Variants in CDC7 observed in about 807,000 individuals in gnomAD.
CDC7 encodes cell division cycle 7-related protein kinase.
Under a neutral mutation model 53.5 loss-of-function variants are expected in CDC7, and 34 were observed. The observed-to-expected ratio is 0.64, with a 90% confidence interval of 0.48 to 0.85. The LOEUF (loss-of-function observed/expected upper bound fraction) is 0.85, where lower values mean the gene tolerates loss of function less well. CDC7 is among the 40% of genes least tolerant of loss of function. The pLI is 0.00. For missense variants in CDC7, 594 were observed against 679.7 expected (o/e 0.87, Z 1.40); for synonymous variants, 211 against 222.8 (o/e 0.95, Z 0.47).
rs1237535911 is a variant in CDC7 at position 91,523,530 on chromosome 1, A to G, written c.1331-511A>G. 2.0e-5 allele frequency among the ~76,000 whole-genome samples: 3 copies of G among 152,182 alleles called. 1 individual carries two copies. The East Asian group carries it at 5.8e-4, about 29-fold the overall frequency. On this transcript the variant is annotated intron_variant, in intron 11 of 11. Coordinates refer to ENST00000234626, the MANE Select transcript of CDC7 (RefSeq NM_003503.4). The stretch of plus-strand genomic sequence containing the variant: ...AGTAATAGTAGAACTCTCAAGATAC[A>G]GTAGAAACTGAAATTGATCAGTTCT...
At chr1:91,502,444 T>C (rs1666741032) in intron 2 of CDC7, among the ~76,000 whole-genome samples, 2 of 151,992 alleles carry the variant, frequency 1.3e-5, no homozygotes, top group African/African-American at 2.4e-5. Flanking sequence ...TCTAGTTGAC[T>C]GTATTTTTTT....
At chr1:91,512,202 A>G (rs982318557) in intron 6 of CDC7, among the ~76,000 whole-genome samples, 4 of 152,072 alleles carry the variant, frequency 2.6e-5, no homozygotes, top group African/African-American at 9.7e-5. Context: ...CATATCTGCT[A>G]CTTTGTATCC....
At chr1:91,507,296 T>C (rs1667043629) in intron 2 of CDC7, among the ~76,000 whole-genome samples, 1 of 152,242 alleles carries the variant, frequency 6.6e-6, no homozygotes, top group African/African-American at 2.4e-5. Flanking sequence ...CTGATACTTA[T>C]TTAAAAGTAG....
At chr1:91,515,670 A>G in intron 9 of CDC7, 124 bp from the exon 10 acceptor site, 2 of 1,088,368 alleles carry the variant, frequency 1.8e-6, no homozygotes, top group Non-Finnish European at 2.6e-6. Flanking sequence ...CATTTACTTT[A>G]TAGTAACACT....
chr1:91,502,246 A>G (rs1283913583), intron 2 of CDC7, among the ~76,000 whole-genome samples: 1 of 152,206 alleles, frequency 6.6e-6, no homozygotes, highest in Non-Finnish European at 1.5e-5. Context: ...AGCAATAATA[A>G]AGCACCATAT....
chr1:91,506,252 G>A (rs1228964809), intron 2 of CDC7, among the ~76,000 whole-genome samples: 1 of 151,948 alleles, frequency 6.6e-6, no homozygotes, highest in East Asian at 1.9e-4. Flanking sequence ...TTCTTGCCTT[G>A]GTCTCCTAAA....
intron 11 of CDC7, 137 bp from the exon 12 acceptor site, chr1:91,523,894 CTGTGTGTGTG>C (rs56282166): frequency 1.4e-3 from 788 of 547,262 alleles, no homozygotes; most frequent in Middle Eastern, 5.4e-3. Context: ...CTATCTCATA[CTGTGTGTGTG>C]TGTGTGTGTG....
intron 10 of CDC7, 68 bp downstream of exon 10, chr1:91,515,944 C>G: frequency 7.8e-7 from 1 of 1,284,950 alleles, no homozygotes; most frequent in Non-Finnish European, 1.1e-6. Context: ...ATTTTATGAT[C>G]TTTGTCTATT....
chr1:91,508,312 G>A lies in CDC7; in HGVS notation c.250G>A (p.Glu84Lys). ...CACAGCACAGTTACAAGTAGGACCTGAAGAGAAAATTGCTCTAAAACACTT... is the reference window on the plus strand; with the variant it reads ...CACAGCACAGTTACAAGTAGGACCTAAAGAGAAAATTGCTCTAAAACACTT... The part of the protein sequence containing the change: ...LATAQLQVGP[E>K]EKIALKHLIP... The change falls in exon 4 of 12, where the codon GAA (glutamate) becomes AAA (lysine). Residue 84 changes from glutamate (E) to lysine (K), a missense_variant. Transcript: ENST00000234626. 1 of 1,612,428 alleles carries A rather than the reference G, an allele frequency of 6.2e-7. No homozygotes were observed. Among genetic ancestry groups the A allele is most frequent in the Non-Finnish European group, 8.5e-7 (1 of 1,178,932 alleles).
intron 10 of CDC7, among the ~76,000 whole-genome samples, chr1:91,519,717 A>G (rs963956253): frequency 2.0e-5 from 3 of 152,230 alleles, no homozygotes; most frequent in African/African-American, 7.2e-5. Context: ...TTTCACTAAA[A>G]TGAAAGCACT....
At chr1:91,510,101 G>T (rs1019529165) in intron 4 of CDC7, among the ~76,000 whole-genome samples, 1 of 152,070 alleles carries the variant, frequency 6.6e-6, no homozygotes, top group Non-Finnish European at 1.5e-5. Flanking sequence ...TGTAGTCCCA[G>T]CTACTTGGGA....
chr1:91,518,272 T>C (rs1446580462), intron 10 of CDC7, among the ~76,000 whole-genome samples: 1 of 151,582 alleles, frequency 6.6e-6, no homozygotes, highest in Non-Finnish European at 1.5e-5. Context: ...TTCAGAAGAT[T>C]AAAGTTTCTA....
chr1:91,501,864 A>G (rs1473090736), intron 2 of CDC7, 33 bp downstream of exon 2: 6 of 1,483,590 alleles, frequency 4.0e-6, no homozygotes, highest in East Asian at 2.3e-5. Flanking sequence ...GTACAGTTAT[A>G]AAGATTTTTC....
chr1:91,513,248 T>G lies in CDC7; in HGVS notation c.763T>G (p.Ser255Ala). 6 of 1,613,380 alleles carry G rather than the reference T, an allele frequency of 3.7e-6. No homozygotes were observed. Among genetic ancestry groups the G allele is most frequent in the Non-Finnish European group, 5.1e-6 (6 of 1,179,504 alleles). The change falls in exon 7 of 12, where the codon TCT becomes GCT. Residue 255 changes from serine (S) to alanine (A), a missense_variant. Physicochemically the swap from Ser to Ala is moderately conservative, Grantham distance 99. Coordinates refer to ENST00000234626, the MANE Select transcript of CDC7 (RefSeq NM_003503.4). ...ELDQQSTTKASVKRPYTNAQI... is the reference protein window; with the variant it reads ...ELDQQSTTKAAVKRPYTNAQI... Reference sequence around the variant, plus strand: ...GGATCAGCAGTCCACCACAAAAGCTTCTGTTAAAAGACCCTACACAAATGC... The same window carrying G: ...GGATCAGCAGTCCACCACAAAAGCTGCTGTTAAAAGACCCTACACAAATGC...
intron 2 of CDC7, among the ~76,000 whole-genome samples, chr1:91,503,921 T>C (rs993871892): frequency 2.0e-5 from 3 of 152,140 alleles, no homozygotes; most frequent in African/African-American, 4.8e-5. Flanking sequence ...ATATTGCTCA[T>C]GTAGTAAATA....
rs1206678814 is a variant in CDC7 at position 91,514,971 on chromosome 1, TAA to T, written c.1073_1074del (p.Lys358SerfsTer3). 1.2e-6 allele frequency: 2 copies of T among 1,612,040 alleles called. No homozygotes were observed. The highest frequency in any genetic ancestry group is 1.7e-6 in the Non-Finnish European group (2 of 1,179,380). The stretch of plus-strand genomic sequence containing the variant: ...TGACCTGTGACTGCTATGCAACAGA[TAA>T]AGTTTGTAGTATTTGCCTTTCAAGG... Reference protein sequence around the residue: ...SLTCDCYATDKVCSICLSRRQ... With the variant: ...SLTCDCYATDXVCSICLSRRQ... On this transcript the variant is annotated frameshift_variant, in exon 9 of 12. Transcript: ENST00000234626. LOFTEE classifies it high-confidence loss of function.
At chr1:91,501,357 C>T (rs947780967) in intron 1 of CDC7, 6 of 234,192 alleles carry the variant, frequency 2.6e-5, no homozygotes, top group Non-Finnish European at 4.2e-5. Flanking sequence ...CGCTCGGCCC[C>T]TCCCCCACGC....
Position 91,520,180 on chromosome 1 carries a change from C to T in CDC7, c.1231C>T (p.Arg411Ter), listed in dbSNP as rs1406898199. The T allele has an allele frequency of 2.5e-6, 4 of 1,608,368 alleles. No homozygotes were observed. Among genetic ancestry groups the T allele is most frequent in the African/African-American group, 1.3e-5 (1 of 74,682 alleles). Residue 411 changes from arginine (R) to a stop codon, truncating the protein, a stop_gained, in exon 11 of 12, where the codon CGA becomes TGA. Coordinates refer to ENST00000234626, the MANE Select transcript of CDC7 (RefSeq NM_003503.4). LOFTEE classifies it high-confidence loss of function. ...GVIFLSLLSG[R>*]YPFYKASDDL... ...CATATTTCTTTCTTTGCTTAGTGGA[C>T]GATATCCATTTTATAAAGCAAGTGA... is the stretch of plus-strand genomic sequence containing the variant.
chr1:91,523,969 A>G, intron 11 of CDC7, 72 bp from the exon 12 acceptor site: 1 of 1,157,308 alleles, frequency 8.6e-7, no homozygotes, highest in Admixed American at 2.6e-5. Flanking sequence ...GTTTCTCATG[A>G]GAGAGGCTTC....
Sources: gnomAD v4.1 joint callset for allele counts (sites outside exome capture counted in the v4.1 genomes callset) on GRCh38, gnomAD v4.1.1 for gene constraint, MANE v1.5 for transcripts, NCBI Gene and HGNC (gene_info 2026-07-23, HGNC 2026-07-21) for gene names.